The following SLC12A5 variants were observed in gnomAD, a reference collection of about 807,000 sequenced individuals.
SLC12A5 encodes the protein solute carrier family 12 member 5.
Under a neutral mutation model 124.0 loss-of-function variants are expected in SLC12A5, and 18 were observed. The ratio of observed to expected loss-of-function variants is 0.15; its 90% CI spans 0.10 to 0.22. SLC12A5 has a LOEUF of 0.22. Ranked by LOEUF, SLC12A5 falls within the 10% of genes least tolerant of loss-of-function variation. SLC12A5 has a pLI of 1.00. For synonymous variants in SLC12A5, 589 were observed against 568.0 expected, an observed-to-expected ratio of 1.04 and a Z score of -0.53; for missense variants, 867 against 1,478.7, an observed-to-expected ratio of 0.59 and a Z score of 6.78.
Position 46,049,806 on chromosome 20 carries a change from G to C in SLC12A5, c.2181+16G>C. 1.3e-6 allele frequency: 2 copies of C among 1,568,458 alleles called. No homozygotes were observed. Among genetic ancestry groups the C allele is most frequent in the African/African-American group, 1.3e-5 (1 of 74,538 alleles). On this transcript the variant is annotated intron_variant, in intron 17 of 25. Coordinates refer to ENST00000243964, the MANE Select transcript of SLC12A5 (RefSeq NM_020708.5). The stretch of plus-strand genomic sequence containing the variant: ...GGCAGAAGAGGTGAGCAGAGGCCCT[G>C]GTTGGGCTTGGGAAAAGGTCAGGAC...
upstream of SLC12A5, chr20:46,029,050 C>A: frequency 9.0e-7 from 1 of 1,105,182 alleles, no homozygotes; most frequent in South Asian, 2.8e-5. Flanking sequence ...TCTGCCCGCC[C>A]CTCATCTTCT....
upstream of SLC12A5, among the ~76,000 whole-genome samples, chr20:46,024,780 C>A (rs2084382873): frequency 6.6e-6 from 1 of 152,242 alleles, no homozygotes. Flanking sequence ...ACCTCACTTG[C>A]TTCACCTGTG....
chr20:46,022,943 G>GGGAGGAGGAGGAGGAGGAGGAGGAGGA lies in SLC12A5; in HGVS notation c.69_95dup (p.Gly24_Gly32dup), dbSNP rs34923327. 170 of 366,104 alleles carry GGGAGGAGGAGGAGGAGGAGGAGGAGGA rather than the reference G, an allele frequency of 4.6e-4. 1 individual carries two copies. The highest frequency in any genetic ancestry group is 2.5e-3 in the African/African-American group (88 of 34,754). The allele number at this position is 366,104 out of a possible 1,614,324, so 22.7% of individuals were successfully genotyped here. On this transcript the variant is annotated inframe_insertion, in exon 2 of 3. Transcript: ENST00000413737. Reference sequence around the variant, plus strand: ...ATCGGCTTGTAGTGGCCCCAGCGAGGGGAGGAGGAGGAGGAGGAGGAGGAG... The same window carrying GGGAGGAGGAGGAGGAGGAGGAGGAGGA: ...ATCGGCTTGTAGTGGCCCCAGCGAGGGGAGGAGGAGGAGGAGGAGGAGGAGGAGGAGGAGGAGGAGGAGGAGGAGGAG...
At chr20:46,039,786 CAAAA>C (rs1410605265) in intron 6 of SLC12A5, among the ~76,000 whole-genome samples, 1 of 150,160 alleles carries the variant, frequency 6.7e-6, no homozygotes, top group African/African-American at 2.5e-5. Context: ...AAAAAAAAAA[CAAAA>C]AAACCACCAC....
At chr20:46,022,110 A>C in intron 1 of SLC12A5, 2 of 371,956 alleles carry the variant, frequency 5.4e-6, no homozygotes, top group Non-Finnish European at 8.9e-6. Flanking sequence ...GGGCGTGGCC[A>C]CGAGGGAAAG....
chr20:46,032,256 G>GA (rs974662305), intron 1 of SLC12A5, among the ~76,000 whole-genome samples: 1 of 152,352 alleles, frequency 6.6e-6, no homozygotes, highest in African/African-American at 2.4e-5. Context: ...CTCGGGCCAG[G>GA]AAGCCCCTAT....
intron 7 of SLC12A5, 37 bp from the exon 8 acceptor site, chr20:46,041,292 G>A: frequency 6.3e-7 from 1 of 1,597,568 alleles, no homozygotes; most frequent in Non-Finnish European, 8.6e-7. Flanking sequence ...GCAAGGTTAT[G>A]TGGCTCCCCA....
chr20:46,051,340 G>C lies in SLC12A5; in HGVS notation c.2182-335G>C, dbSNP rs572178687. On this transcript the variant is annotated intron_variant, in intron 17 of 25. Coordinates refer to ENST00000243964, the MANE Select transcript of SLC12A5 (RefSeq NM_020708.5). ...GGTATCTGAAGACGGCGACATTTGA[G>C]CTGGGCCAGACAGGGTGTCATGTAC... is the stretch of plus-strand genomic sequence containing the variant. Among the ~76,000 whole-genome samples, 259 of 152,312 alleles carry C rather than the reference G, an allele frequency of 1.7e-3. 2 individuals are homozygous for C. Among genetic ancestry groups the C allele is most frequent in the African/African-American group, 5.5e-3 (230 of 41,560 alleles).
In SLC12A5 at chr20:46,040,489, T is replaced by C. The variant is rs1232314125; in HGVS notation, c.729T>C (p.Thr243=). 5 of 1,614,238 alleles carry C rather than the reference T, an allele frequency of 3.1e-6. No homozygotes were observed. Among genetic ancestry groups the C allele is most frequent in the Non-Finnish European group, 4.2e-6 (5 of 1,180,048 alleles). The part of the protein sequence containing the change: ...YGTCVLTCMA[T]VVFVGVKYVN... ...CCTGTGTGCTCACCTGCATGGCCAC[T>C]GTGGTGTTTGTGGGTGTCAAGTATG... Residue 243 remains threonine (T), a synonymous_variant, in exon 7 of 26, where the codon ACT becomes ACC. Transcript: ENST00000243964.
chr20:46,050,726 A>C (rs772786580), intron 17 of SLC12A5, among the ~76,000 whole-genome samples: 1 of 152,192 alleles, frequency 6.6e-6, no homozygotes, highest in Non-Finnish European at 1.5e-5. Context: ...GGAGATGGAG[A>C]TGTTCAAGAC....
rs2084690679 is a variant in SLC12A5 at position 46,056,215 on chromosome 20, C to T, written c.2853C>T (p.Leu951=). 6.2e-7 allele frequency: 1 copy of T among 1,614,088 alleles called. No individual in the cohort carries two copies. Among genetic ancestry groups the T allele is most frequent in the Non-Finnish European group, 8.5e-7 (1 of 1,180,034 alleles). The change falls in exon 22 of 26, where the codon CTC becomes CTT. Residue 951 remains leucine (L), a synonymous_variant. Transcript: ENST00000243964. The surrounding 1 kb of genome is among the most constrained non-coding windows in gnomAD (Gnocchi z 4.3). ...GAAAGAATCCAGCCAACACGCGGCT[C>T]CGCCTGAACGTCCCAGAAGAGACGG... is the stretch of plus-strand genomic sequence containing the variant. ...IRRKNPANTR[L]RLNVPEETAG...
In SLC12A5 at chr20:46,056,639, G is replaced by A; in HGVS notation, c.3110+75G>A. 3.4e-6 allele frequency: 5 copies of A among 1,469,866 alleles called. No homozygotes were observed. The highest frequency in any genetic ancestry group is 3.7e-6 in the Non-Finnish European group (4 of 1,081,276). The allele number at this position is 1,469,866 out of a possible 1,614,324, so 91.1% of individuals were successfully genotyped here. A position where few individuals can be genotyped will look rare whatever the true frequency, so the allele number is the denominator to read the frequency against. On this transcript the variant is annotated intron_variant, in intron 23 of 25. Coordinates refer to ENST00000243964, the MANE Select transcript of SLC12A5 (RefSeq NM_020708.5). The surrounding 1 kb of genome is among the most constrained non-coding windows in gnomAD (Gnocchi z 4.3). Reference sequence around the variant, plus strand: ...TTGCTCCCCATGGCAGAGCAAGAGAGCAGAAGGCATCCTGGTCTGTCAGCC... The same window carrying A: ...TTGCTCCCCATGGCAGAGCAAGAGAACAGAAGGCATCCTGGTCTGTCAGCC...
chr20:46,051,842 A>G lies in SLC12A5; in HGVS notation c.2349A>G (p.Glu783=). Reference sequence around the variant, plus strand: ...GGCCCCGCAACTGGCGCCAGAAGGAAGATCATCAGACGTGGAGGAACTTCA... The same window carrying G: ...GGCCCCGCAACTGGCGCCAGAAGGAGGATCATCAGACGTGGAGGAACTTCA... ...VGWPRNWRQK[E]DHQTWRNFIE... The change falls in exon 18 of 26, where the codon GAA becomes GAG. Residue 783 remains glutamate, a synonymous_variant. Transcript: ENST00000243964. 1 of 1,517,954 alleles carries G rather than the reference A, an allele frequency of 6.6e-7. No homozygotes were observed. The highest frequency in any genetic ancestry group is 2.8e-5 in the East Asian group (1 of 36,164). The allele number at this position is 1,517,954 out of a possible 1,614,324, so 94.0% of individuals were successfully genotyped here.
chr20:46,024,888 A>G (rs1433485612), upstream of SLC12A5, among the ~76,000 whole-genome samples: 1 of 152,190 alleles, frequency 6.6e-6, no homozygotes, highest in East Asian at 1.9e-4. Flanking sequence ...CTGATCCTCT[A>G]CTATGCCTCC....
rs1245256136 is a variant in SLC12A5 at position 46,047,502 on chromosome 20, C to T, written c.1836C>T (p.Ile612=). 3 of 1,613,982 alleles carry T rather than the reference C, an allele frequency of 1.9e-6. No individual in the cohort carries two copies. Among genetic ancestry groups the T allele is most frequent in the Non-Finnish European group, 2.5e-6 (3 of 1,179,978 alleles). ...GMSLCLALMF[I]CSWYYALVAM... ...GCCTCTGCCTGGCCCTCATGTTCATCTGCTCCTGGTATTATGCACTGGTAG... is the reference window on the plus strand; with the variant it reads ...GCCTCTGCCTGGCCCTCATGTTCATTTGCTCCTGGTATTATGCACTGGTAG... Residue 612 remains isoleucine, a synonymous_variant, in exon 15 of 26, where the codon ATC becomes ATT. Transcript: ENST00000243964.
chr20:46,046,088 CT>C, intron 13 of SLC12A5, 92 bp downstream of exon 13: 1 of 1,202,080 alleles, frequency 8.3e-7, no homozygotes, highest in Non-Finnish European at 1.2e-6. Context: ...CACCCAGACA[CT>C]TTAGCAACCC....
Position 46,045,872 on chromosome 20 carries a change from C to A in SLC12A5, c.1570-6C>A. 1.9e-6 allele frequency: 3 copies of A among 1,612,902 alleles called. No homozygotes were observed. The highest frequency in any genetic ancestry group is 1.7e-6 in the Non-Finnish European group (2 of 1,178,946). On this transcript the variant is annotated splice_region_variant and splice_polypyrimidine_tract_variant and intron_variant, in intron 12 of 25. Coordinates refer to ENST00000243964, the MANE Select transcript of SLC12A5 (RefSeq NM_020708.5). This position sits in a 1 kb window ranked among gnomAD's most constrained non-coding sequence, Gnocchi z 4.9. The stretch of plus-strand genomic sequence containing the variant: ...CTCAGTCCCATGATGATTGCTCTTT[C>A]CCCAGGTCTTTGGCCATGGCAAGGC...
rs769265263 is a variant in SLC12A5, at chr20:46,043,926, C to T, written c.1387C>T (p.Arg463Trp). ...FGACIEGVVL[R>W]DKFGEAVNGN... ...GGCCTGCATTGAGGGGGTCGTCCTG[C>T]GGGACAAGTAAGATAATTGGGGTTG... is the stretch of plus-strand genomic sequence containing the variant. Residue 463 changes from arginine (R) to tryptophan (W), a missense_variant, in exon 11 of 26, where the codon CGG becomes TGG. By Grantham distance (101) the Arg-to-Trp change is moderately radical. Around this residue, in one of 9 missense-constraint regions of SLC12A5, gnomAD observed 152 missense variants for 358.7 expected, o/e 0.42. Coordinates refer to ENST00000243964, the MANE Select transcript of SLC12A5 (RefSeq NM_020708.5). 6.3e-7 allele frequency: 1 copy of T among 1,599,956 alleles called. No homozygotes were observed. The highest frequency in any genetic ancestry group is 8.5e-7 in the Non-Finnish European group (1 of 1,172,794).
At chr20:46,022,865 C>T (rs1370237079) in intron 1 of SLC12A5, 1 of 398,636 alleles carries the variant, frequency 2.5e-6, no homozygotes, top group Non-Finnish European at 4.4e-6. Flanking sequence ...GGGCACTCAT[C>T]AGGGGTCCTC....
Sources: allele counts gnomAD v4.1 joint callset (sites outside exome capture counted in the v4.1 genomes callset), GRCh38; gene constraint gnomAD v4.1.1; regional missense constraint gnomAD v4.1.1; non-coding constraint Gnocchi (gnomAD v3.1); transcripts MANE v1.5; gene names NCBI Gene and HGNC (gene_info 2026-07-23, HGNC 2026-07-21).